GYPC: variants seen among roughly 807,000 people sequenced by gnomAD.
GYPC encodes glycophorin-C.
GYPC carries 14 observed loss-of-function variants against 12.6 expected under a neutral mutation model. The observed-to-expected ratio is 1.11, with a 90% confidence interval of 0.74 to 1.74. The LOEUF (loss-of-function observed/expected upper bound fraction) is 1.74, where lower values mean the gene tolerates loss of function less well. GYPC is among the 40% of genes most tolerant of loss of function. GYPC has a pLI of 0.00. For missense variants in GYPC, 225 were observed against 172.1 expected (o/e 1.31, Z -1.72); for synonymous variants, 78 against 62.1 (o/e 1.26, Z -1.20).
chr2:126,675,930 G>C (rs1682984024), intron 1 of GYPC, among the ~76,000 whole-genome samples: 1 of 152,210 alleles, frequency 6.6e-6, no homozygotes, highest in African/African-American at 2.4e-5. Flanking sequence ...CAACTCAGAA[G>C]TAGTTATGTT....
At chr2:126,672,958 C>T (rs1280009228) in intron 1 of GYPC, among the ~76,000 whole-genome samples, 1 of 152,100 alleles carries the variant, frequency 6.6e-6, no homozygotes, top group Admixed American at 6.5e-5. Context: ...TATTCCACCA[C>T]CTCAGTCTTA....
intron 1 of GYPC, among the ~76,000 whole-genome samples, chr2:126,660,418 C>T (rs564582614): frequency 5.9e-5 from 9 of 152,320 alleles, no homozygotes; most frequent in South Asian, 2.1e-4. Flanking sequence ...CAACTGTTCA[C>T]GACAGGCCCC....
rs80108106 is a variant in GYPC, at chr2:126,673,633, C to T, written c.50-16622C>T. Among the ~76,000 whole-genome samples, 12 of 152,324 alleles carry T rather than the reference C, an allele frequency of 7.9e-5. No individual in the cohort carries two copies. The East Asian group carries it at 2.3e-3, about 29-fold the overall frequency. On this transcript the variant is annotated intron_variant, in intron 1 of 3. Coordinates refer to ENST00000259254, the MANE Select transcript of GYPC (RefSeq NM_002101.5). ...CCACGACTAGAATTCAGGTGTTTTC[C>T]ACAACCTCTGTCCCCCACAGATTCC... is the stretch of plus-strand genomic sequence containing the variant.
Position 126,656,308 on chromosome 2 carries a change from C to A in GYPC, c.45C>A (p.Ser15Arg). Residue 15 changes from serine (S) to arginine (R), a missense_variant, in exon 1 of 4, where the codon AGC (serine) becomes AGA (arginine). Ser to Arg is a moderately radical substitution (Grantham distance 110, BLOSUM62 -1). Transcript: ENST00000259254. ...RSPNSTAWPL[S>R]LEPDPGMASA... ...CCAACAGCACGGCGTGGCCTCTCAG[C>A]CTCGGTGAGTACCCGCCGTGGGGAA... is the stretch of plus-strand genomic sequence containing the variant. The A allele has an allele frequency of 1.9e-6, 3 of 1,586,804 alleles. No homozygotes were observed. Among genetic ancestry groups the A allele is most frequent in the Non-Finnish European group, 2.6e-6 (3 of 1,168,032 alleles).
intron 1 of GYPC, among the ~76,000 whole-genome samples, chr2:126,671,238 A>G (rs1254238486): frequency 6.6e-6 from 1 of 151,590 alleles, no homozygotes; most frequent in East Asian, 1.9e-4. Context: ...CCCTCCTCCT[A>G]CCTCCTCTGG....
At chr2:126,659,124 G>A (rs930355993) in intron 1 of GYPC, among the ~76,000 whole-genome samples, 4 of 112,360 alleles carry the variant, frequency 3.6e-5, no homozygotes, top group Admixed American at 9.4e-5. Flanking sequence ...CACTCACACT[G>A]CATTTTTTAT....
At position 126,694,043 on chromosome 2, in the gene GYPC, G is replaced by A. The variant is rs1258525948; in HGVS notation, c.190+96G>A. On this transcript the variant is annotated intron_variant, in intron 3 of 3. Transcript: ENST00000259254. ...CTGACCTAAGGACTTGGGCAGTGGT[G>A]GCTGTGGCCATTTTTTCTCTCCCTC... 3.8e-5 allele frequency: 32 copies of A among 852,574 alleles called. No individual in the cohort carries two copies. The East Asian group carries it at 7.5e-4, about 20-fold the overall frequency. 52.8% of individuals were successfully genotyped at this position (852,574 alleles called of 1,614,324 possible).
chr2:126,672,496 G>A lies in GYPC; in HGVS notation c.49+16184G>A, dbSNP rs551709436. 1.1e-4 allele frequency among the ~76,000 whole-genome samples: 17 copies of A among 152,216 alleles called. No homozygotes were observed. The South Asian group carries it at 1.5e-3, about 13-fold the overall frequency. On this transcript the variant is annotated intron_variant, in intron 1 of 3. Transcript: ENST00000259254. ...TCTGAAATTGTCAGATGTATCTTTC[G>A]GGTGCCTGGCCCTGCAGGGAATGAG...
intron 1 of GYPC, among the ~76,000 whole-genome samples, chr2:126,683,509 G>A (rs1683204849): frequency 6.6e-6 from 1 of 152,176 alleles, no homozygotes; most frequent in Non-Finnish European, 1.5e-5. Context: ...GGACTTTGGA[G>A]ACGATGGTTC....
intron 2 of GYPC, 94 bp from the exon 3 acceptor site, chr2:126,693,770 T>C: frequency 1.2e-6 from 1 of 856,770 alleles, no homozygotes; most frequent in Non-Finnish European, 2.0e-6. Context: ...TCAGAGCTGC[T>C]CACACCTGAG....
chr2:126,679,024 C>T (rs1027098962), intron 1 of GYPC: 3 of 152,242 alleles, frequency 2.0e-5, no homozygotes, highest in African/African-American at 7.2e-5. Context: ...TCATTATTTA[C>T]ACATGCAGCC....
At chr2:126,677,140 G>C (rs1481922428) in intron 1 of GYPC, among the ~76,000 whole-genome samples, 1 of 152,128 alleles carries the variant, frequency 6.6e-6, no homozygotes, top group African/African-American at 2.4e-5. Context: ...GCATGTTTGT[G>C]TGTGCACCTG....
intron 1 of GYPC, among the ~76,000 whole-genome samples, chr2:126,685,209 G>C (rs1031133623): frequency 2.0e-5 from 3 of 152,156 alleles, no homozygotes; most frequent in Non-Finnish European, 2.9e-5. Context: ...CTTCACTTGT[G>C]CAAGGATGCT....
At chr2:126,691,201 C>A (rs1354946102) in intron 2 of GYPC, among the ~76,000 whole-genome samples, 1 of 152,230 alleles carries the variant, frequency 6.6e-6, no homozygotes, top group Non-Finnish European at 1.5e-5. Context: ...TCCAAATAAA[C>A]CTGCATTCTA....
rs866557267 is a variant in GYPC, at chr2:126,686,159, G to A, written c.50-4096G>A. 9.1e-5 allele frequency: 90 copies of A among 985,326 alleles called. No homozygotes were observed. In the African/African-American group the frequency reaches 9.6e-4, roughly 11 times the overall value. The allele number at this position is 985,326 out of a possible 1,614,324, so 61.0% of individuals were successfully genotyped here. A position where few individuals can be genotyped will look rare whatever the true frequency, so the allele number is the denominator to read the frequency against. ...TGTCATCTGAAAATGCAAGAGAAGA[G>A]AGGCTCTTGGTGGCAACAGAGGAGT... On this transcript the variant is annotated intron_variant, in intron 1 of 3. Coordinates refer to ENST00000259254, the MANE Select transcript of GYPC (RefSeq NM_002101.5).
At chr2:126,679,148 C>T (rs4143021) in intron 1 of GYPC, among the ~76,000 whole-genome samples, 24,369 of 152,236 alleles carry the variant, frequency 0.16, 2,536 homozygotes, top group East Asian at 0.42. Flanking sequence ...TAGCACGCAG[C>T]ATCTGTCTGG....
intron 1 of GYPC, among the ~76,000 whole-genome samples, chr2:126,665,911 G>A (rs1315582655): frequency 6.6e-6 from 1 of 152,208 alleles, no homozygotes; most frequent in African/African-American, 2.4e-5. Flanking sequence ...TCTCCTGGAA[G>A]CCAGGTGTGT....
intron 1 of GYPC, among the ~76,000 whole-genome samples, chr2:126,658,943 T>C (rs1682447482): frequency 6.6e-6 from 1 of 152,224 alleles, no homozygotes; most frequent in Admixed American, 6.5e-5. Context: ...TTTACATGCA[T>C]GTGTCTGTAA....
intron 2 of GYPC, 83 bp downstream of exon 2, chr2:126,690,394 C>A (rs762115979): frequency 3.3e-5 from 35 of 1,058,318 alleles, no homozygotes; most frequent in Admixed American, 2.3e-4. Flanking sequence ...CTTTAAGCAG[C>A]CAGGGTTGGG....
Sources: gnomAD v4.1 joint callset for allele counts (sites outside exome capture counted in the v4.1 genomes callset) on GRCh38, gnomAD v4.1.1 for gene constraint, MANE v1.5 for transcripts, NCBI Gene and HGNC (gene_info 2026-07-23, HGNC 2026-07-21) for gene names.